PPARGC1A: variants seen among roughly 807,000 people sequenced by gnomAD.
PPARGC1A encodes the protein PPARG coactivator 1 alpha.
PPARGC1A carries 25 observed loss-of-function variants against 88.7 expected under a neutral mutation model. The ratio of observed to expected loss-of-function variants is 0.28; its 90% CI spans 0.21 to 0.39. The LOEUF (loss-of-function observed/expected upper bound fraction) is 0.39. Among genes scored for constraint, PPARGC1A ranks in the 10% least tolerant of loss-of-function variants. The pLI is 1.00. For missense variants in PPARGC1A, 880 were observed against 968.7 expected, an observed-to-expected ratio of 0.91 and a Z score of 1.22; for synonymous variants, 363 against 355.6, an observed-to-expected ratio of 1.02 and a Z score of -0.24.
chr4:24,250,646 AGAG>A, the PPARGC1A span, among the ~76,000 whole-genome samples: 3 of 152,330 alleles, frequency 2.0e-5, no homozygotes, highest in African/African-American at 7.2e-5. Context: ...GGATGGAGAA[AGAG>A]GAGGAGGAAA....
upstream of PPARGC1A, among the ~76,000 whole-genome samples, chr4:23,906,275 C>T (rs918825134): frequency 5.9e-5 from 9 of 151,936 alleles, no homozygotes; most frequent in East Asian, 1.9e-4. Flanking sequence ...AAACAAAGGC[C>T]GGAGTAAAAC....
the PPARGC1A span, among the ~76,000 whole-genome samples, chr4:24,467,248 G>A: frequency 1.3e-5 from 2 of 152,176 alleles, no homozygotes; most frequent in Admixed American, 1.3e-4. Flanking sequence ...GAAACCCAAA[G>A]TCAGAAAAAT....
chr4:24,352,127 C>A, the PPARGC1A span, among the ~76,000 whole-genome samples: 1 of 152,182 alleles, frequency 6.6e-6, no homozygotes, highest in East Asian at 1.9e-4. Context: ...TACAGAGCCA[C>A]CCGGGAGTGG....
the PPARGC1A span, among the ~76,000 whole-genome samples, chr4:24,390,348 A>G: frequency 6.6e-6 from 1 of 152,074 alleles, no homozygotes. Flanking sequence ...GGCCCCTTTT[A>G]TGCATTACTA....
chr4:24,213,379 A>G, the PPARGC1A span, among the ~76,000 whole-genome samples: 5 of 151,834 alleles, frequency 3.3e-5, no homozygotes, highest in Admixed American at 6.6e-5. Context: ...TGTTAGCCAG[A>G]ATAGTCTCGA....
the PPARGC1A span, among the ~76,000 whole-genome samples, chr4:24,005,354 G>C: frequency 6.6e-6 from 1 of 152,162 alleles, no homozygotes; most frequent in Non-Finnish European, 1.5e-5. Context: ...TCCCGGGCAT[G>C]GTTAAGAATG....
At chr4:23,828,977 C>T (rs916156352) in intron 4 of PPARGC1A, among the ~76,000 whole-genome samples, 2 of 152,184 alleles carry the variant, frequency 1.3e-5, no homozygotes, top group African/African-American at 4.8e-5. Context: ...GCTCCGTTTT[C>T]ACTCACAGTG....
the PPARGC1A span, among the ~76,000 whole-genome samples, chr4:24,285,894 T>C: frequency 6.6e-6 from 1 of 152,026 alleles, no homozygotes; most frequent in Non-Finnish European, 1.5e-5. Flanking sequence ...TAGAAGGCTA[T>C]GGCCACAGTC....
At chr4:24,198,669 C>A in the PPARGC1A span, among the ~76,000 whole-genome samples, 1 of 152,104 alleles carries the variant, frequency 6.6e-6, no homozygotes, top group African/African-American at 2.4e-5. Context: ...GAGCCTAAGG[C>A]CAGGACATGG....
At chr4:23,883,409 A>C (rs1716321446) in intron 2 of PPARGC1A, 1 of 152,234 alleles carries the variant, frequency 6.6e-6, no homozygotes, top group South Asian at 2.1e-4. Flanking sequence ...TTGAGCAAAG[A>C]AGCAGCTTGA....
chr4:23,880,652 C>T (rs960293470), intron 2 of PPARGC1A: 34 of 152,278 alleles, frequency 2.2e-4, no homozygotes, highest in Admixed American at 2.0e-3. Context: ...ACCAAGTAGC[C>T]TTGAAAGCGT....
At chr4:24,412,376 T>C in the PPARGC1A span, among the ~76,000 whole-genome samples, 1 of 152,136 alleles carries the variant, frequency 6.6e-6, no homozygotes, top group African/African-American at 2.4e-5. Flanking sequence ...ACAATGTTCA[T>C]ATTTTTTAAT....
At chr4:23,897,005 A>G (rs1472856814) in intron 1 of PPARGC1A, among the ~76,000 whole-genome samples, 1 of 152,224 alleles carries the variant, frequency 6.6e-6, no homozygotes, top group African/African-American at 2.4e-5. Context: ...AAATGCTGCC[A>G]TGTTGCAGCC....
At chr4:24,430,416 C>T in the PPARGC1A span, among the ~76,000 whole-genome samples, 1 of 151,846 alleles carries the variant, frequency 6.6e-6, no homozygotes, top group Non-Finnish European at 1.5e-5. Context: ...CGCCACCACG[C>T]CCGGCTAATT....
chr4:23,860,009 A>G (rs1339010659), intron 2 of PPARGC1A, among the ~76,000 whole-genome samples: 1 of 152,020 alleles, frequency 6.6e-6, no homozygotes, highest in Non-Finnish European at 1.5e-5. Flanking sequence ...TAGTAGCTCA[A>G]CCCTACAATC....
At chr4:24,453,365 G>A in the PPARGC1A span, among the ~76,000 whole-genome samples, 1 of 152,224 alleles carries the variant, frequency 6.6e-6, no homozygotes, top group Non-Finnish European at 1.5e-5. Context: ...CTGAAGATAA[G>A]AACAAGTAAG....
At chr4:23,881,287 GC>G (rs2148821411) in intron 2 of PPARGC1A, 1 of 152,204 alleles carries the variant, frequency 6.6e-6, no homozygotes, top group Admixed American at 6.5e-5. Flanking sequence ...TTTTAAAGTG[GC>G]TTCTGAATCG....
chr4:24,370,837 A>G, the PPARGC1A span, among the ~76,000 whole-genome samples: 1 of 137,010 alleles, frequency 7.3e-6, no homozygotes, highest in African/African-American at 2.8e-5. Flanking sequence ...ACAGGTATAC[A>G]TGCACCATGG....
the PPARGC1A span, among the ~76,000 whole-genome samples, chr4:23,956,158 A>G: frequency 6.6e-6 from 1 of 152,136 alleles, no homozygotes; most frequent in Non-Finnish European, 1.5e-5. Flanking sequence ...CAGACTACAC[A>G]AAAACAGCTA....
Sources: gnomAD v4.1 joint callset for allele counts (sites outside exome capture counted in the v4.1 genomes callset) on GRCh38, gnomAD v4.1.1 for gene constraint, MANE v1.5 for transcripts, NCBI Gene and HGNC (gene_info 2026-07-23, HGNC 2026-07-21) for gene names.